The following NR5A2 variants were observed in gnomAD, a reference collection of about 807,000 sequenced individuals.
The protein encoded by NR5A2 is nuclear receptor subfamily 5 group A member 2, also known as CYP7A promoter-binding factor.
Under a neutral mutation model 62.7 loss-of-function variants are expected in NR5A2, and 26 were observed. The observed-to-expected ratio is 0.41, with a 90% CI of 0.30 to 0.58. The LOEUF is 0.58. Among genes scored for constraint, NR5A2 ranks in the 20% least tolerant of loss-of-function variants. NR5A2 has a pLI of 0.22. For synonymous variants in NR5A2, 246 were observed against 241.7 expected (o/e 1.02, Z -0.16); for missense variants, 541 against 669.1 (o/e 0.81, Z 2.11).
rs559891604 is a variant in NR5A2 at position 200,077,449 on chromosome 1, C to T, written c.1110+28631C>T. ...CACAATTAGGTTGGGCTGGGTGGCT[C>T]AAGCCTGTAATCCCAGCACATTGGG... On this transcript the variant is annotated intron_variant, in intron 5 of 7. Transcript: ENST00000367362. 3.8e-4 allele frequency among the ~76,000 whole-genome samples: 58 copies of T among 152,310 alleles called. No individual in the cohort carries two copies. The East Asian group carries it at 0.011, about 29-fold the overall frequency.
At chr1:200,163,525 A>G (rs1274637790) in intron 7 of NR5A2, among the ~76,000 whole-genome samples, 1 of 150,536 alleles carries the variant, frequency 6.6e-6, no homozygotes, top group Non-Finnish European at 1.5e-5. Context: ...TCTGTTTCCC[A>G]GGCTGGAGTG....
At chr1:200,042,737 C>A in intron 2 of NR5A2, 2 of 917,706 alleles carry the variant, frequency 2.2e-6, no homozygotes, top group Non-Finnish European at 2.6e-6. Context: ...CCCCGCGCTC[C>A]CATACTTGAC....
intron 5 of NR5A2, among the ~76,000 whole-genome samples, chr1:200,097,728 G>A (rs1665164617): frequency 6.6e-6 from 1 of 152,218 alleles, no homozygotes. Flanking sequence ...AGATTCAACA[G>A]GGCAATGCTG....
chr1:200,077,641 G>A (rs2102229101), intron 5 of NR5A2, among the ~76,000 whole-genome samples: 1 of 152,330 alleles, frequency 6.6e-6, no homozygotes, highest in South Asian at 2.1e-4. Flanking sequence ...TTGAACCTGG[G>A]AGGCGGAGGT....
At chr1:200,159,219 T>C (rs1401686810) in intron 7 of NR5A2, among the ~76,000 whole-genome samples, 1 of 152,150 alleles carries the variant, frequency 6.6e-6, no homozygotes, top group African/African-American at 2.4e-5. Flanking sequence ...TTTAAAATCA[T>C]GAATACTTGT....
chr1:200,035,482 C>T (rs1223792346), intron 1 of NR5A2, among the ~76,000 whole-genome samples: 5 of 152,028 alleles, frequency 3.3e-5, no homozygotes, highest in African/African-American at 1.2e-4. Flanking sequence ...CTTTCCAGGT[C>T]AGGTCGAGTT....
chr1:200,144,248 C>CAA (rs1667586425), intron 7 of NR5A2, among the ~76,000 whole-genome samples: 2 of 150,588 alleles, frequency 1.3e-5, no homozygotes, highest in Non-Finnish European at 2.9e-5. Flanking sequence ...CACACACACA[C>CAA]ACACACACAC....
chr1:200,172,924 G>A (rs1571593223), intron 7 of NR5A2, among the ~76,000 whole-genome samples: 1 of 152,236 alleles, frequency 6.6e-6, no homozygotes, highest in Middle Eastern at 3.4e-3. Context: ...TTTACTTTCT[G>A]AGCATGGGTG....
chr1:200,095,279 G>T (rs1298371832), intron 5 of NR5A2, among the ~76,000 whole-genome samples: 2 of 152,046 alleles, frequency 1.3e-5, no homozygotes, highest in African/African-American at 4.8e-5. Context: ...ATCATGCCTG[G>T]CTGAGCTCTT....
intron 7 of NR5A2, among the ~76,000 whole-genome samples, chr1:200,123,716 T>G (rs1380508080): frequency 6.6e-6 from 1 of 151,734 alleles, no homozygotes; most frequent in African/African-American, 2.4e-5. Flanking sequence ...AGAAACCCTG[T>G]TTTCAGAAGT....
At chr1:200,140,174 TGATA>T (rs1361877764) in intron 7 of NR5A2, among the ~76,000 whole-genome samples, 2 of 152,214 alleles carry the variant, frequency 1.3e-5, no homozygotes, top group East Asian at 1.9e-4. Flanking sequence ...ATATCATTAT[TGATA>T]AATTTGTTAT....
chr1:200,111,312 T>G lies in NR5A2; in HGVS notation c.1221T>G (p.Thr407=). Residue 407 remains threonine (T), a synonymous_variant, in exon 6 of 8, where the codon ACT becomes ACG. Transcript: ENST00000367362. ...AGGAAGGATCCATCTTCCTGGTTACTGGGCAACAAGTGAGTGTAGAGACCA... is the reference window on the plus strand; with the variant it reads ...AGGAAGGATCCATCTTCCTGGTTACGGGGCAACAAGTGAGTGTAGAGACCA... ...HGKEGSIFLV[T]GQQVDYSIIA... 6.3e-7 allele frequency: 1 copy of G among 1,595,080 alleles called. No homozygotes were observed. Among genetic ancestry groups the G allele is most frequent in the East Asian group, 2.2e-5 (1 of 44,522 alleles).
At chr1:200,110,522 C>T (rs1665893200) in intron 5 of NR5A2, among the ~76,000 whole-genome samples, 1 of 152,102 alleles carries the variant, frequency 6.6e-6, no homozygotes, top group Admixed American at 6.6e-5. Context: ...ACTTACTGTT[C>T]TTGGGCCCGT....
chr1:200,168,677 T>C (rs759391831), intron 7 of NR5A2, among the ~76,000 whole-genome samples: 15 of 152,138 alleles, frequency 9.9e-5, no homozygotes, highest in Non-Finnish European at 1.9e-4. Context: ...AGACAGAATC[T>C]CAGTTTAGGT....
intron 7 of NR5A2, among the ~76,000 whole-genome samples, chr1:200,129,263 T>C (rs79792026): frequency 1.4e-4 from 11 of 77,596 alleles, no homozygotes; most frequent in Non-Finnish European, 3.2e-4. Context: ...CACACATACA[T>C]ACACACACAC....
chr1:200,111,142 T>G, intron 5 of NR5A2, 60 bp from the exon 6 acceptor site: 1 of 1,571,526 alleles, frequency 6.4e-7, no homozygotes, highest in Non-Finnish European at 8.6e-7. Context: ...AACAAAAAAG[T>G]AGTGAATAAC....
At chr1:200,128,160 C>T (rs1434948810) in intron 7 of NR5A2, among the ~76,000 whole-genome samples, 26 of 152,278 alleles carry the variant, frequency 1.7e-4, no homozygotes, top group African/African-American at 6.0e-4. Flanking sequence ...ACTCAAGTCC[C>T]GCAGTCGGCC....
chr1:200,028,681 C>T (rs1162863617), intron 1 of NR5A2, among the ~76,000 whole-genome samples: 3 of 152,168 alleles, frequency 2.0e-5, no homozygotes. Flanking sequence ...GGAAGTCAGG[C>T]CCTTCTGCCT....
At chr1:200,076,936 A>C (rs1664068724) in intron 5 of NR5A2, among the ~76,000 whole-genome samples, 2 of 152,214 alleles carry the variant, frequency 1.3e-5, no homozygotes. Flanking sequence ...AGAGAAGTTT[A>C]AAATGTACTT....
Sources: gnomAD v4.1 joint callset for allele counts (sites outside exome capture counted in the v4.1 genomes callset) on GRCh38, gnomAD v4.1.1 for gene constraint, MANE v1.5 for transcripts, NCBI Gene and HGNC (gene_info 2026-07-23, HGNC 2026-07-21) for gene names.